BCL7B: variants seen among roughly 807,000 people sequenced by gnomAD.
BCL7B encodes BAF chromatin remodeling complex subunit BCL7B.
Under a neutral mutation model 26.5 loss-of-function variants are expected in BCL7B, and 11 were observed. The observed-to-expected ratio is 0.42, with a 90% CI of 0.26 to 0.69. BCL7B has a LOEUF of 0.69. Among genes scored for constraint, BCL7B ranks in the 30% least tolerant of loss-of-function variants. BCL7B has a pLI of 0.28. For missense variants in BCL7B, 215 were observed against 264.4 expected (o/e 0.81, Z 1.30); for synonymous variants, 111 against 107.9 (o/e 1.03, Z -0.18).
intron 2 of BCL7B, among the ~76,000 whole-genome samples, chr7:73,550,330 G>A (rs1712684921): frequency 2.0e-5 from 3 of 152,116 alleles, no homozygotes; most frequent in Admixed American, 2.0e-4. Flanking sequence ...CGGATTACTT[G>A]AGGTCAGGAG....
intron 2 of BCL7B, among the ~76,000 whole-genome samples, chr7:73,545,424 A>G (rs1416689381): frequency 6.6e-6 from 1 of 152,046 alleles, no homozygotes; most frequent in Admixed American, 6.6e-5. Context: ...CATGTTAGCC[A>G]GGATGGTCTC....
Position 73,537,405 on chromosome 7 carries a change from A to C in BCL7B, c.517-15T>G, listed in dbSNP as rs782039889. ...TCCTCAACGACCTAGGAGCAGGCAG[A>C]GCATGGAATGCCAGGGCCACCCCTC... is the stretch of plus-strand genomic sequence containing the variant. On this transcript the variant is annotated splice_polypyrimidine_tract_variant and intron_variant, in intron 5 of 5. Coordinates refer to ENST00000223368, the MANE Select transcript of BCL7B (RefSeq NM_001707.4). 6.2e-7 allele frequency: 1 copy of C among 1,610,280 alleles called. No homozygotes were observed. The highest frequency in any genetic ancestry group is 8.5e-7 in the Non-Finnish European group (1 of 1,176,784).
chr7:73,539,713 T>C lies in BCL7B; in HGVS notation c.436+169A>G. Reference sequence around the variant, plus strand: ...CAACTCTAATGCTTGTTTTCTCCCTTCCCTCTGTGAAAGGGGAAACTATAA... The same window carrying C: ...CAACTCTAATGCTTGTTTTCTCCCTCCCCTCTGTGAAAGGGGAAACTATAA... On this transcript the variant is annotated intron_variant, in intron 4 of 5. Transcript: ENST00000223368. 3 of 763,702 alleles carry C rather than the reference T, an allele frequency of 3.9e-6. No individual in the cohort carries two copies. In the South Asian group the frequency reaches 6.6e-5, roughly 17 times the overall value. 47.3% of individuals were successfully genotyped at this position (763,702 alleles called of 1,614,324 possible).
At chr7:73,555,214 T>C (rs1269111596) in intron 1 of BCL7B, among the ~76,000 whole-genome samples, 1 of 151,984 alleles carries the variant, frequency 6.6e-6, no homozygotes, top group Non-Finnish European at 1.5e-5. Context: ...CAAGACCAGC[T>C]TGGCCAACAT....
chr7:73,553,347 T>C (rs1792248408), intron 1 of BCL7B, among the ~76,000 whole-genome samples: 1 of 152,014 alleles, frequency 6.6e-6, no homozygotes, highest in Non-Finnish European at 1.5e-5. Flanking sequence ...TTAGGAACCT[T>C]TCCCTTTCTG....
At chr7:73,556,531 G>T (rs897459365) in intron 1 of BCL7B, among the ~76,000 whole-genome samples, 41 of 152,302 alleles carry the variant, frequency 2.7e-4, no homozygotes, top group Admixed American at 2.0e-3. Flanking sequence ...AGCTGACGAA[G>T]TTGGCTGTGA....
rs1330370991 is a variant in BCL7B at position 73,552,179 on chromosome 7, T to G, written c.156A>C (p.Thr52=). 6.2e-7 allele frequency: 1 copy of G among 1,609,902 alleles called. No individual in the cohort carries two copies. The highest frequency in any genetic ancestry group is 8.5e-7 in the Non-Finnish European group (1 of 1,178,756). ...SLRIFKWVPV[T]DSKEKEKSKS... is the part of the protein sequence containing the mutation. Reference sequence around the variant, plus strand: ...CTTCCACACTTACCTCCTTGCTGTCTGTCACAGGAACCCACTTAAATATCC... The same window carrying G: ...CTTCCACACTTACCTCCTTGCTGTCGGTCACAGGAACCCACTTAAATATCC... The change falls in exon 2 of 6, where the codon ACA becomes ACC. Residue 52 remains threonine (T), a synonymous_variant. Transcript: ENST00000223368.
intron 4 of BCL7B, chr7:73,538,287 A>ACAACTCTAACT: frequency 3.1e-6 from 1 of 317,920 alleles, no homozygotes; most frequent in Non-Finnish European, 5.7e-6. Context: ...CCCAAACATC[A>ACAACTCTAACT]CAACTCTAAC....
intron 1 of BCL7B, 36 bp downstream of exon 1, chr7:73,557,451 C>T: frequency 7.6e-7 from 1 of 1,307,878 alleles, no homozygotes; most frequent in Non-Finnish European, 9.9e-7. Flanking sequence ...CCTGGATCCG[C>T]GACCCCCGCC....
chr7:73,551,592 C>T (rs1379316048), intron 2 of BCL7B, among the ~76,000 whole-genome samples: 1 of 152,018 alleles, frequency 6.6e-6, no homozygotes, highest in Admixed American at 6.6e-5. Flanking sequence ...GCGTGAGCCA[C>T]CACGCCCAGC....
chr7:73,548,725 G>A (rs1792049323), intron 2 of BCL7B, among the ~76,000 whole-genome samples: 1 of 152,130 alleles, frequency 6.6e-6, no homozygotes, highest in Non-Finnish European at 1.5e-5. Context: ...GAGATCGGGA[G>A]TTGAAGACCA....
At chr7:73,537,420 G>C in intron 5 of BCL7B, 30 bp from the exon 6 acceptor site, 1 of 1,579,542 alleles carries the variant, frequency 6.3e-7, no homozygotes, top group Non-Finnish European at 8.7e-7. Flanking sequence ...GGAATGCCAG[G>C]GCCACCCCTC....
At chr7:73,550,179 C>A (rs1427607888) in intron 2 of BCL7B, among the ~76,000 whole-genome samples, 6 of 152,048 alleles carry the variant, frequency 3.9e-5, no homozygotes, top group Admixed American at 3.3e-4. Context: ...GTACTCACTG[C>A]AAATAAGAAA....
rs1216770585 is a variant in BCL7B, at chr7:73,538,832, A to G, written c.437-819T>C. Among the ~76,000 whole-genome samples the G allele has an allele frequency of 4.0e-5, 6 of 151,692 alleles. No homozygotes were observed. The East Asian group carries it at 7.7e-4, about 20-fold the overall frequency. On this transcript the variant is annotated intron_variant, in intron 4 of 5. Coordinates refer to ENST00000223368, the MANE Select transcript of BCL7B (RefSeq NM_001707.4). ...TATCTCTTTAAAAAAAAAAAAAAAA[A>G]AAAAAAGAAAAGAAAAAAATTTAGC... is the stretch of plus-strand genomic sequence containing the variant.
intron 2 of BCL7B, 67 bp downstream of exon 2, chr7:73,552,092 CAAAAAAAA>C: frequency 9.8e-7 from 1 of 1,022,188 alleles, no homozygotes; most frequent in Non-Finnish European, 1.4e-6. Flanking sequence ...GACTCCGTCC[CAAAAAAAA>C]AAAAAAAGAG....
In BCL7B at chr7:73,557,527, TGTC is replaced by T; in HGVS notation, c.49_51del (p.Asp17del). On this transcript the variant is annotated inframe_deletion, in exon 1 of 6. Transcript: ENST00000223368. Reference sequence around the variant, plus strand: ...TCGATGGCCGCCATCACCTTCTTGATGTCGTCCTTGGCCCGGCTGCGGGTCTCC... The same window carrying T: ...TCGATGGCCGCCATCACCTTCTTGATGTCCTTGGCCCGGCTGCGGGTCTCC... The T allele has an allele frequency of 6.9e-7, 1 of 1,449,822 alleles. No homozygotes were observed. The highest frequency in any genetic ancestry group is 9.2e-7 in the Non-Finnish European group (1 of 1,091,348). 89.8% of individuals were successfully genotyped at this position (1,449,822 alleles called of 1,614,324 possible). A position where few individuals can be genotyped will look rare whatever the true frequency, so the allele number is the denominator to read the frequency against.
chr7:73,537,625 C>T (rs1554582305), intron 5 of BCL7B, among the ~76,000 whole-genome samples: 1 of 152,154 alleles, frequency 6.6e-6, no homozygotes. Context: ...CAGTGGCTCA[C>T]ACCTATAATC....
chr7:73,537,906 A>C (rs1554582346), intron 5 of BCL7B, 28 bp downstream of exon 5: 1 of 1,541,260 alleles, frequency 6.5e-7, no homozygotes. Flanking sequence ...AAAAACAAAA[A>C]ACTGGAAAAC....
intron 4 of BCL7B, among the ~76,000 whole-genome samples, chr7:73,538,834 A>AAAAAG (rs1335353116): frequency 8.0e-5 from 12 of 150,860 alleles, no homozygotes; most frequent in African/African-American, 2.7e-4. Context: ...AAAAAAAAAA[A>AAAAAG]AAAAGAAAAG....
Sources: allele counts gnomAD v4.1 joint callset (sites outside exome capture counted in the v4.1 genomes callset), GRCh38; gene constraint gnomAD v4.1.1; transcripts MANE v1.5; gene names NCBI Gene and HGNC (gene_info 2026-07-23, HGNC 2026-07-21).